The following OXR1 variants were observed in gnomAD, a reference collection of about 807,000 sequenced individuals.
The protein encoded by OXR1 is oxidation resistance 1, also known as oxidation resistance protein 1.
In OXR1, 41 loss-of-function variants were observed where a neutral mutation model predicts 104.6. The observed-to-expected ratio is 0.39, with a 90% CI of 0.31 to 0.51. The LOEUF is 0.51. Among genes scored for constraint, OXR1 ranks in the 20% least tolerant of loss-of-function variants. The probability of loss-of-function intolerance (pLI) is 0.77; values close to 1 mark genes in which losing one functional copy is unlikely to be tolerated. For missense variants in OXR1, 955 were observed against 1,031.9 expected (o/e 0.93, Z 1.02); for synonymous variants, 348 against 348.4 (o/e 1.00, Z 0.01).
At chr8:106,370,383 C>A (rs1370591853) in intron 2 of OXR1, among the ~76,000 whole-genome samples, 1 of 152,108 alleles carries the variant, frequency 6.6e-6, no homozygotes, top group Non-Finnish European at 1.5e-5. Flanking sequence ...AGTTGAATAG[C>A]CTTTATTTCT....
chr8:106,532,976 A>G (rs1380406257), intron 3 of OXR1, among the ~76,000 whole-genome samples: 4 of 152,228 alleles, frequency 2.6e-5, no homozygotes, highest in Non-Finnish European at 2.9e-5. Context: ...GCTATTAATT[A>G]AATCCATTCT....
intron 1 of OXR1, among the ~76,000 whole-genome samples, chr8:106,271,342 G>T (rs1316359447): frequency 6.6e-6 from 1 of 152,150 alleles, no homozygotes; most frequent in African/African-American, 2.4e-5. Context: ...GTCGTTTACG[G>T]GGGGAGCTGC....
chr8:106,571,188 G>T (rs564923803), intron 3 of OXR1, among the ~76,000 whole-genome samples: 2 of 152,114 alleles, frequency 1.3e-5, no homozygotes, highest in East Asian at 3.9e-4. Context: ...AGTTCGGGCT[G>T]CTGTAACAAA....
chr8:106,295,288 A>G (rs1433436738), intron 1 of OXR1, among the ~76,000 whole-genome samples: 1 of 152,172 alleles, frequency 6.6e-6, no homozygotes, highest in Non-Finnish European at 1.5e-5. Flanking sequence ...AGGATTACAC[A>G]TTGGACTTAA....
chr8:106,728,635 T>C (rs543881185), intron 11 of OXR1, among the ~76,000 whole-genome samples: 101 of 152,296 alleles, frequency 6.6e-4, no homozygotes, highest in Non-Finnish European at 7.8e-4. Context: ...TTATCTTTTA[T>C]TTTTTAAAGG....
chr8:106,723,913 C>T (rs1336391687), intron 11 of OXR1, among the ~76,000 whole-genome samples: 1 of 151,938 alleles, frequency 6.6e-6, no homozygotes, highest in Admixed American at 6.6e-5. Flanking sequence ...CCTCATCCTC[C>T]TCAGTAGATG....
intron 7 of OXR1, among the ~76,000 whole-genome samples, chr8:106,698,816 G>A (rs1222067038): frequency 1.3e-5 from 2 of 149,318 alleles, no homozygotes; most frequent in Non-Finnish European, 3.0e-5. Flanking sequence ...CTTTTTTTTT[G>A]TACTCTGTTA....
At chr8:106,631,119 G>T (rs1485148945) in intron 3 of OXR1, among the ~76,000 whole-genome samples, 1 of 152,222 alleles carries the variant, frequency 6.6e-6, no homozygotes, top group African/African-American at 2.4e-5. Context: ...AGGGAACCAG[G>T]AGAGTGGAAG....
At chr8:106,411,669 G>T (rs1818463173) in intron 2 of OXR1, among the ~76,000 whole-genome samples, 1 of 152,118 alleles carries the variant, frequency 6.6e-6, no homozygotes, top group Non-Finnish European at 1.5e-5. Flanking sequence ...TGATGATAAG[G>T]CCTTGCCTTT....
intron 1 of OXR1, among the ~76,000 whole-genome samples, chr8:106,347,126 G>A (rs900369048): frequency 6.6e-6 from 1 of 152,204 alleles, no homozygotes; most frequent in African/African-American, 2.4e-5. Flanking sequence ...AAAGCCAAAG[G>A]CTTTTAGAGA....
chr8:106,462,066 G>A (rs976956676), intron 2 of OXR1, among the ~76,000 whole-genome samples: 7 of 152,104 alleles, frequency 4.6e-5, no homozygotes, highest in African/African-American at 1.7e-4. Flanking sequence ...TAAGATGATG[G>A]GTGACCTTAC....
chr8:106,522,439 T>TATTGTTTTTACTCTGGAATATTTTCAATC (rs1813331925), intron 3 of OXR1, among the ~76,000 whole-genome samples: 1 of 152,238 alleles, frequency 6.6e-6, no homozygotes, highest in East Asian at 1.9e-4. Flanking sequence ...TGTTACTGTT[T>TATTGTTTTTACTCTGGAATATTTTCAATC]ATTGTTTTTA....
At chr8:106,644,465 T>A (rs1823912595) in intron 3 of OXR1, among the ~76,000 whole-genome samples, 1 of 152,200 alleles carries the variant, frequency 6.6e-6, no homozygotes, top group South Asian at 2.1e-4. Context: ...TAGGTGTATA[T>A]TTCTTGATGT....
intron 6 of OXR1, among the ~76,000 whole-genome samples, chr8:106,689,845 T>C (rs1453125002): frequency 6.6e-6 from 1 of 151,802 alleles, no homozygotes; most frequent in African/African-American, 2.4e-5. Flanking sequence ...AGACATTAAT[T>C]ACAAGTAATA....
chr8:106,613,825 C>A (rs747950367), intron 3 of OXR1, among the ~76,000 whole-genome samples: 50 of 152,234 alleles, frequency 3.3e-4, no homozygotes, highest in South Asian at 6.2e-4. Context: ...AGTAAGTAAC[C>A]TTTCTCACAG....
chr8:106,681,333 T>C (rs1186950955), intron 4 of OXR1, among the ~76,000 whole-genome samples: 1 of 151,716 alleles, frequency 6.6e-6, no homozygotes, highest in African/African-American at 2.4e-5. Context: ...GAAGTTTGCA[T>C]AGAAGGATGT....
intron 3 of OXR1, among the ~76,000 whole-genome samples, chr8:106,523,154 C>T (rs1813383884): frequency 6.6e-6 from 1 of 152,202 alleles, no homozygotes. Flanking sequence ...TGGTCCCCTC[C>T]ACCTTCAAGT....
At chr8:106,403,076 T>C (rs1325792024) in intron 2 of OXR1, among the ~76,000 whole-genome samples, 2 of 152,230 alleles carry the variant, frequency 1.3e-5, no homozygotes, top group Non-Finnish European at 2.9e-5. Flanking sequence ...CGTCTCGGCC[T>C]CCCGAAGGGG....
chr8:106,595,469 G>C (rs889534813), intron 3 of OXR1, among the ~76,000 whole-genome samples: 1 of 145,472 alleles, frequency 6.9e-6, no homozygotes, highest in Non-Finnish European at 1.5e-5. Flanking sequence ...AGAATCACTC[G>C]AACCCGAGAG....
Sources: gnomAD v4.1 joint callset for allele counts (sites outside exome capture counted in the v4.1 genomes callset) on GRCh38, gnomAD v4.1.1 for gene constraint, MANE v1.5 for transcripts, NCBI Gene and HGNC (gene_info 2026-07-23, HGNC 2026-07-21) for gene names.